Variants in THEMIS observed in about 807,000 individuals in gnomAD.
THEMIS encodes protein THEMIS.
THEMIS carries 37 observed loss-of-function variants against 52.6 expected under a neutral mutation model. The ratio of observed to expected loss-of-function variants is 0.70; its 90% confidence interval spans 0.54 to 0.93. The LOEUF is 0.93. Ranked by LOEUF, THEMIS falls within the 40% of genes least tolerant of loss-of-function variation. THEMIS has a pLI of 0.00. For synonymous variants in THEMIS, 292 were observed against 272.7 expected (o/e 1.07, Z -0.70); for missense variants, 808 against 763.1 (o/e 1.06, Z -0.69).
At chr6:127,847,708 G>A (rs896568438) in intron 2 of THEMIS, among the ~76,000 whole-genome samples, 5 of 151,730 alleles carry the variant, frequency 3.3e-5, no homozygotes, top group Non-Finnish European at 7.4e-5. Context: ...TTGTGAAAAT[G>A]ACCACACTGC....
chr6:127,799,070 T>G (rs1274946530), intron 4 of THEMIS, among the ~76,000 whole-genome samples: 2 of 151,674 alleles, frequency 1.3e-5, no homozygotes, highest in African/African-American at 4.8e-5. Flanking sequence ...CTGCAAAAAT[T>G]TAATATAGCC....
chr6:127,769,901 C>T (rs972954012), intron 4 of THEMIS, among the ~76,000 whole-genome samples: 1 of 152,118 alleles, frequency 6.6e-6, no homozygotes, highest in African/African-American at 2.4e-5. Context: ...TGATAGTTTG[C>T]TCAGAATGAT....
chr6:127,716,284 C>T (rs1453545385), intron 5 of THEMIS, among the ~76,000 whole-genome samples: 1 of 151,800 alleles, frequency 6.6e-6, no homozygotes, highest in East Asian at 1.9e-4. Flanking sequence ...AAATGGCCCC[C>T]TGTTTAGCCA....
intron 1 of THEMIS, among the ~76,000 whole-genome samples, chr6:127,864,600 A>C (rs1052137346): frequency 6.6e-6 from 1 of 152,148 alleles, no homozygotes; most frequent in Non-Finnish European, 1.5e-5. Context: ...TACCCTACTC[A>C]GCATCCCCTG....
At chr6:127,898,992 G>A (rs1356720445) in intron 1 of THEMIS, among the ~76,000 whole-genome samples, 2 of 151,658 alleles carry the variant, frequency 1.3e-5, no homozygotes, top group Non-Finnish European at 3.0e-5. Context: ...GGATAGAGAG[G>A]GGTTGGTTGA....
chr6:127,697,406 C>T, the THEMIS span, among the ~76,000 whole-genome samples: 1 of 152,140 alleles, frequency 6.6e-6, no homozygotes, highest in Admixed American at 6.5e-5. Flanking sequence ...GATATTGCTT[C>T]TTCTGCTCTT....
At chr6:127,701,934 G>T in the THEMIS span, among the ~76,000 whole-genome samples, 1 of 152,002 alleles carries the variant, frequency 6.6e-6, no homozygotes, top group Middle Eastern at 3.4e-3. Context: ...ATACCTTCTG[G>T]ATACCATTTT....
At chr6:127,836,902 G>T (rs1210640580) in intron 2 of THEMIS, among the ~76,000 whole-genome samples, 4 of 152,060 alleles carry the variant, frequency 2.6e-5, no homozygotes, top group African/African-American at 9.7e-5. Context: ...GCTCTGAGAT[G>T]AATTTCTTCA....
At chr6:127,889,697 G>C (rs1307609809) in intron 1 of THEMIS, among the ~76,000 whole-genome samples, 3 of 143,100 alleles carry the variant, frequency 2.1e-5, no homozygotes, top group African/African-American at 7.4e-5. Flanking sequence ...ATTTATCTCT[G>C]CATCGGATAG....
chr6:127,834,274 T>G (rs1014939594), intron 2 of THEMIS, among the ~76,000 whole-genome samples: 1 of 152,014 alleles, frequency 6.6e-6, no homozygotes, highest in Admixed American at 6.6e-5. Flanking sequence ...GTCTTTACAT[T>G]AATAATTGAT....
At chr6:127,735,240 C>A (rs903405840) in intron 4 of THEMIS, among the ~76,000 whole-genome samples, 21 of 151,726 alleles carry the variant, frequency 1.4e-4, no homozygotes, top group Non-Finnish European at 2.4e-4. Flanking sequence ...GAATGCGGGG[C>A]GTCTAACCTT....
At chr6:127,791,240 G>T (rs534488591) in intron 4 of THEMIS, among the ~76,000 whole-genome samples, 13 of 152,162 alleles carry the variant, frequency 8.5e-5, no homozygotes, top group Non-Finnish European at 1.8e-4. Flanking sequence ...CAGCTCAGAG[G>T]AGACCCACAG....
chr6:127,836,384 A>G (rs1470807929), intron 2 of THEMIS, among the ~76,000 whole-genome samples: 1 of 152,194 alleles, frequency 6.6e-6, no homozygotes, highest in African/African-American at 2.4e-5. Context: ...CAATTCTTCT[A>G]TAACTGTCAA....
At chr6:127,917,236 G>T (rs956928372) in intron 1 of THEMIS, among the ~76,000 whole-genome samples, 1 of 152,226 alleles carries the variant, frequency 6.6e-6, no homozygotes, top group African/African-American at 2.4e-5. Context: ...GATGTAGGTG[G>T]AAGTCAAGGA....
chr6:127,865,324 C>CCAAG (rs1384672295), intron 1 of THEMIS, among the ~76,000 whole-genome samples: 3 of 152,092 alleles, frequency 2.0e-5, no homozygotes, highest in Non-Finnish European at 2.9e-5. Context: ...ACAGGATGAT[C>CCAAG]CAAGGGTTTA....
At chr6:127,730,296 G>GAAAAGAAAAGAAAAGAGAAA (rs1774727701) in intron 4 of THEMIS, among the ~76,000 whole-genome samples, 1 of 124,424 alleles carries the variant, frequency 8.0e-6, no homozygotes, top group Non-Finnish European at 1.7e-5. Context: ...GAAAAGAAAA[G>GAAAAGAAAAGAAAAGAGAAA]AAAAGAAAAG....
At chr6:127,768,057 A>G (rs1158394068) in intron 4 of THEMIS, among the ~76,000 whole-genome samples, 1 of 152,148 alleles carries the variant, frequency 6.6e-6, no homozygotes, top group Non-Finnish European at 1.5e-5. Flanking sequence ...GCCCTCCAAA[A>G]TATTCATTAA....
At chr6:127,900,265 C>T (rs1178693511) in intron 1 of THEMIS, among the ~76,000 whole-genome samples, 1 of 151,892 alleles carries the variant, frequency 6.6e-6, no homozygotes. Context: ...TTTAATTGAA[C>T]TCTGAGTTTC....
chr6:127,775,054 G>A (rs561417486), intron 4 of THEMIS, among the ~76,000 whole-genome samples: 9 of 152,248 alleles, frequency 5.9e-5, no homozygotes, highest in African/African-American at 2.2e-4. Flanking sequence ...GATCCAGTAG[G>A]AACAAGCTAC....
Sources: gnomAD v4.1 joint callset for allele counts (sites outside exome capture counted in the v4.1 genomes callset) on GRCh38, gnomAD v4.1.1 for gene constraint, MANE v1.5 for transcripts, NCBI Gene and HGNC (gene_info 2026-07-23, HGNC 2026-07-21) for gene names.